Variants in MTSS1 observed in about 807,000 individuals in gnomAD.
MTSS1 encodes the protein MTSS I-BAR domain containing 1.
MTSS1 carries 18 observed loss-of-function variants against 79.0 expected under a neutral mutation model. That is an observed-to-expected ratio of 0.23 (90% CI 0.16 to 0.34). MTSS1 has a LOEUF of 0.34. Ranked by LOEUF, MTSS1 falls within the 10% of genes least tolerant of loss-of-function variation. The pLI is 1.00. For missense variants in MTSS1, 815 were observed against 986.2 expected (o/e 0.83, Z 2.33); for synonymous variants, 341 against 368.6 (o/e 0.93, Z 0.86).
intron 6 of MTSS1, among the ~76,000 whole-genome samples, chr8:124,575,899 C>T (rs149136235): frequency 1.3e-5 from 2 of 152,280 alleles, no homozygotes; most frequent in East Asian, 1.9e-4. Context: ...ACCTGACTAC[C>T]GGATCCAGAA....
rs1373690355 is a variant in MTSS1 at position 124,553,309 on chromosome 8, C to G, written c.1951G>C (p.Gly651Arg). 2 of 1,614,136 alleles carry G rather than the reference C, an allele frequency of 1.2e-6. No homozygotes were observed. The change falls in exon 14 of 14, where the codon GGT becomes CGT. Residue 651 changes from glycine (G) to arginine (R), a missense_variant. Physicochemically the swap from Gly to Arg is moderately radical, Grantham distance 125 (BLOSUM62 -2). Transcript: ENST00000518547. This position sits in a 1 kb window ranked among gnomAD's most constrained non-coding sequence, Gnocchi z 6.0. ...GEHSPESPSV[G>R]EGPQGVTSMP... ...CTGGTGACACCTTGGGGGCCCTCAC[C>G]CACAGATGGCGACTCAGGGCTGTGC...
intron 6 of MTSS1, among the ~76,000 whole-genome samples, chr8:124,573,233 G>A (rs1828236188): frequency 1.3e-5 from 2 of 152,300 alleles, no homozygotes; most frequent in South Asian, 4.1e-4. Flanking sequence ...ATCCTCCAGG[G>A]CCTGGGCCCC....
intron 3 of MTSS1, among the ~76,000 whole-genome samples, chr8:124,591,649 C>G (rs757666913): frequency 6.6e-6 from 1 of 152,204 alleles, no homozygotes; most frequent in African/African-American, 2.4e-5. Context: ...CTTTTCTCAA[C>G]AATTCTGACA....
intron 3 of MTSS1, among the ~76,000 whole-genome samples, chr8:124,668,882 T>A (rs921557390): frequency 6.6e-6 from 1 of 152,244 alleles, no homozygotes; most frequent in African/African-American, 2.4e-5. Flanking sequence ...CACCTTCTTG[T>A]ACACAGGGGC....
intron 3 of MTSS1, among the ~76,000 whole-genome samples, chr8:124,670,500 C>T (rs1002197639): frequency 6.6e-6 from 1 of 151,894 alleles, no homozygotes; most frequent in Non-Finnish European, 1.5e-5. Context: ...GCAAAGGAGT[C>T]TCGAAAATCA....
At chr8:124,570,904 C>T (rs1023878227) in intron 6 of MTSS1, among the ~76,000 whole-genome samples, 5 of 152,070 alleles carry the variant, frequency 3.3e-5, no homozygotes, top group Non-Finnish European at 7.4e-5. Context: ...AACTCCTGGC[C>T]TCAAGTGATC....
intron 5 of MTSS1, among the ~76,000 whole-genome samples, chr8:124,586,761 G>A (rs547057155): frequency 5.9e-5 from 9 of 152,276 alleles, no homozygotes; most frequent in East Asian, 1.9e-4. Context: ...TATGCAGGCC[G>A]GACAATGGGT....
chr8:124,653,554 T>C (rs1820386813), intron 3 of MTSS1, among the ~76,000 whole-genome samples: 1 of 152,118 alleles, frequency 6.6e-6, no homozygotes, highest in Admixed American at 6.5e-5. Context: ...TGAAACCCCA[T>C]CTCTACTAAA....
At chr8:124,666,566 A>T (rs1823124520) in intron 3 of MTSS1, among the ~76,000 whole-genome samples, 1 of 152,242 alleles carries the variant, frequency 6.6e-6, no homozygotes, top group African/African-American at 2.4e-5. Context: ...ACCGGGATCC[A>T]CAGACCCCTT....
At chr8:124,643,620 C>T (rs534325164) in intron 3 of MTSS1, among the ~76,000 whole-genome samples, 1 of 143,326 alleles carries the variant, frequency 7.0e-6, no homozygotes, top group Non-Finnish European at 1.5e-5. Context: ...ATCGCTTGAA[C>T]TGGGGAGGCA....
chr8:124,553,032 T>C lies in MTSS1; in HGVS notation c.2228A>G (p.Lys743Arg). The change falls in exon 14 of 14, where the codon AAG becomes AGG. Residue 743 changes from lysine (K) to arginine (R), a missense_variant. By Grantham distance (26) the Lys-to-Arg change is conservative. Coordinates refer to ENST00000518547, the MANE Select transcript of MTSS1 (RefSeq NM_014751.6). The surrounding 1 kb of genome is among the most constrained non-coding windows in gnomAD (Gnocchi z 6.0). ...NAIRRGVKLKKTTTNDRSAPR... is the reference protein window; with the variant it reads ...NAIRRGVKLKRTTTNDRSAPR... ...GGCTGAGCGATCGTTTGTCGTGGTCTTCTTCAGTTTCACGCCCCTTCGGAT... is the reference window on the plus strand; with the variant it reads ...GGCTGAGCGATCGTTTGTCGTGGTCCTCTTCAGTTTCACGCCCCTTCGGAT... 2 of 1,614,110 alleles carry C rather than the reference T, an allele frequency of 1.2e-6. No homozygotes were observed. Among genetic ancestry groups the C allele is most frequent in the Middle Eastern group, 1.6e-4 (1 of 6,062 alleles).
chr8:124,569,325 A>C (rs1471172330), intron 6 of MTSS1, among the ~76,000 whole-genome samples: 1 of 152,250 alleles, frequency 6.6e-6, no homozygotes, highest in Non-Finnish European at 1.5e-5. Flanking sequence ...CCATCTTTGC[A>C]AATAAAGTTT....
Position 124,683,246 on chromosome 8 carries a change from A to T in MTSS1, c.208+16280T>A, listed in dbSNP as rs1826421036. Among the ~76,000 whole-genome samples the T allele has an allele frequency of 6.6e-6, 1 of 152,232 alleles. No homozygotes were observed. The highest frequency in any genetic ancestry group is 2.1e-4 in the South Asian group (1 of 4,828). ...CATGTGGTTAAAAAGGAAGCAGCCCACAATTTTAAAAAAATGAAATTTAAA... is the reference window on the plus strand; with the variant it reads ...CATGTGGTTAAAAAGGAAGCAGCCCTCAATTTTAAAAAAATGAAATTTAAA... On this transcript the variant is annotated intron_variant, in intron 3 of 13. Transcript: ENST00000518547. The surrounding 1 kb of genome is among the most constrained non-coding windows in gnomAD (Gnocchi z 4.5).
At chr8:124,557,031 G>T (rs1037111420) in intron 11 of MTSS1, among the ~76,000 whole-genome samples, 1 of 152,222 alleles carries the variant, frequency 6.6e-6, no homozygotes, top group Admixed American at 6.5e-5. Flanking sequence ...TCAAATTAGG[G>T]TCCTCCTCTC....
chr8:124,579,094 A>G (rs1829548048), intron 6 of MTSS1, among the ~76,000 whole-genome samples: 1 of 152,190 alleles, frequency 6.6e-6, no homozygotes, highest in Non-Finnish European at 1.5e-5. Flanking sequence ...AATCTTTAGA[A>G]CTTACAAAGT....
intron 9 of MTSS1, chr8:124,564,750 C>T (rs1826044709): frequency 1.7e-5 from 2 of 116,202 alleles, no homozygotes; most frequent in African/African-American, 5.5e-5. Context: ...AAACCAATAT[C>T]TTCAGGGGGC....
intron 3 of MTSS1, among the ~76,000 whole-genome samples, chr8:124,688,805 G>C (rs1382383932): frequency 6.6e-6 from 1 of 152,060 alleles, no homozygotes; most frequent in African/African-American, 2.4e-5. Context: ...GGGAAATCAC[G>C]CAATAGAAAA....
Position 124,682,463 on chromosome 8 carries a change from G to T in MTSS1, c.208+17063C>A, listed in dbSNP as rs370192545. On this transcript the variant is annotated intron_variant, in intron 3 of 13. Coordinates refer to ENST00000518547, the MANE Select transcript of MTSS1 (RefSeq NM_014751.6). ...CAGTGCACAAGGCCACAGGTGTGAG[G>T]GGCGGCACAGAGACAGGAGAGAGGC... Among the ~76,000 whole-genome samples, 35 of 152,358 alleles carry T rather than the reference G, an allele frequency of 2.3e-4. 1 individual carries two copies. In the South Asian group the frequency reaches 3.7e-3, roughly 16 times the overall value.
intron 3 of MTSS1, among the ~76,000 whole-genome samples, chr8:124,663,608 T>C (rs575412063): frequency 8.5e-5 from 13 of 152,286 alleles, no homozygotes; most frequent in African/African-American, 1.7e-4. Context: ...CCTTTTCCCT[T>C]TCTTGGCTCC....
Sources: allele counts gnomAD v4.1 joint callset (sites outside exome capture counted in the v4.1 genomes callset), GRCh38; gene constraint gnomAD v4.1.1; non-coding constraint Gnocchi (gnomAD v3.1); transcripts MANE v1.5; gene names NCBI Gene and HGNC (gene_info 2026-07-23, HGNC 2026-07-21).